The following KAT6B variants were observed in gnomAD, a reference collection of about 807,000 sequenced individuals.
KAT6B encodes lysine acetyltransferase 6B.
In KAT6B, 10 loss-of-function variants were observed where a neutral mutation model predicts 187.5. The observed-to-expected ratio is 0.05, with a 90% CI of 0.03 to 0.09. The LOEUF is 0.09. KAT6B is among the 10% of genes least tolerant of loss of function. The probability of loss-of-function intolerance (pLI) is 1.00; values close to 1 mark genes in which losing one functional copy is unlikely to be tolerated. For synonymous variants in KAT6B, 861 were observed against 926.8 expected (o/e 0.93, Z 1.29); for missense variants, 1,952 against 2,558.9 (o/e 0.76, Z 5.12).
intron 3 of KAT6B, among the ~76,000 whole-genome samples, chr10:74,951,569 A>G (rs1448151240): frequency 1.3e-5 from 2 of 152,120 alleles, no homozygotes; most frequent in African/African-American, 2.4e-5. Flanking sequence ...TATAGTGACT[A>G]TTACAACCTA....
chr10:75,029,606 G>A lies in KAT6B; in HGVS notation c.4782G>A (p.Ser1594=), dbSNP rs770898162. The change falls in exon 18 of 18, where the codon TCG becomes TCA. Residue 1594 remains serine (S), a synonymous_variant. Coordinates refer to ENST00000287239, the MANE Select transcript of KAT6B (RefSeq NM_012330.4). The surrounding 1 kb of genome is among the most constrained non-coding windows in gnomAD (Gnocchi z 6.2). ...CCACGCTCGACGATTGCCAACAGTC[G>A]GACCACAGTAGCCCAGTTTCATCCG... ...IATTLDDCQQ[S]DHSSPVSSVH... 18 of 1,613,950 alleles carry A rather than the reference G, an allele frequency of 1.1e-5. No homozygotes were observed. The highest frequency in any genetic ancestry group is 1.1e-4 in the East Asian group (5 of 44,890).
chr10:75,026,885 C>T (rs1460381708), intron 17 of KAT6B, among the ~76,000 whole-genome samples: 1 of 152,120 alleles, frequency 6.6e-6, no homozygotes, highest in African/African-American at 2.4e-5. Flanking sequence ...CCTGTAATCC[C>T]AGCACTTTGG....
chr10:74,832,601 A>G (rs540243816), intron 1 of KAT6B, among the ~76,000 whole-genome samples: 36 of 152,122 alleles, frequency 2.4e-4, no homozygotes, highest in Admixed American at 2.2e-3. Flanking sequence ...TCCTGGGTTC[A>G]AGCAATTTTC....
At position 74,931,110 on chromosome 10, in the gene KAT6B, T is replaced by C. The variant is rs181902296; in HGVS notation, c.622-28860T>C. Among the ~76,000 whole-genome samples, 184 of 152,234 alleles carry C rather than the reference T, an allele frequency of 1.2e-3. 1 individual carries two copies. The highest frequency in any genetic ancestry group is 4.3e-3 in the African/African-American group (177 of 41,538). ...TGCCTGGGTGCCCTAGACAATAGCT[T>C]ATTTGCCACTAGTGTTGAGGATTTT... On this transcript the variant is annotated intron_variant, in intron 3 of 17. Transcript: ENST00000287239.
At chr10:74,829,573 T>G (rs1840576908) in intron 1 of KAT6B, among the ~76,000 whole-genome samples, 1 of 151,806 alleles carries the variant, frequency 6.6e-6, no homozygotes, top group Admixed American at 6.6e-5. Context: ...CTGCCTCAGC[T>G]TCCCGGGTAG....
intron 13 of KAT6B, 48 bp from the exon 14 acceptor site, chr10:75,020,534 T>C: frequency 7.6e-7 from 1 of 1,316,016 alleles, no homozygotes; most frequent in East Asian, 2.3e-5. Context: ...TGTTCTAAGC[T>C]CTGGGAATGC....
In KAT6B at chr10:74,831,834, C is replaced by T. The variant is rs934713810; in HGVS notation, c.-329+5049C>T. 2.0e-5 allele frequency among the ~76,000 whole-genome samples: 3 copies of T among 152,186 alleles called. No homozygotes were observed. In the South Asian group the frequency reaches 6.2e-4, roughly 32 times the overall value. ...ATTTTTACAGAAGAGAAAACAGAGA[C>T]TTAGATTGATTTAGTAGCATGTCCA... On this transcript the variant is annotated intron_variant, in intron 1 of 17. Coordinates refer to ENST00000287239, the MANE Select transcript of KAT6B (RefSeq NM_012330.4).
At chr10:74,876,351 T>A (rs1466850241) in intron 3 of KAT6B, among the ~76,000 whole-genome samples, 1 of 152,068 alleles carries the variant, frequency 6.6e-6, no homozygotes, top group African/African-American at 2.4e-5. Flanking sequence ...CTGGCATTAC[T>A]TTTTTTTCTC....
chr10:74,839,135 A>C (rs1271955619), intron 2 of KAT6B, among the ~76,000 whole-genome samples: 2 of 151,864 alleles, frequency 1.3e-5, no homozygotes, highest in African/African-American at 4.8e-5. Context: ...CCTGGGCGAC[A>C]AGAGCAAGAC....
Position 74,826,714 on chromosome 10 carries a change from C to A in KAT6B, c.-400C>A. 1 of 153,600 alleles carries A rather than the reference C, an allele frequency of 6.5e-6. No individual in the cohort carries two copies. The highest frequency in any genetic ancestry group is 1.8e-4 in the South Asian group (1 of 5,696). 9.5% of individuals were successfully genotyped at this position (153,600 alleles called of 1,614,324 possible). ...GTGGCGGAGGCGACGGCACCTCCTC[C>A]AGGCGGCAGCCGCAGTTTCTCAGGC... On this transcript the variant is annotated 5_prime_UTR_variant, in exon 1 of 18. Coordinates refer to ENST00000287239, the MANE Select transcript of KAT6B (RefSeq NM_012330.4).
At chr10:74,989,206 T>C in intron 13 of KAT6B, 94 bp downstream of exon 13, 1 of 889,868 alleles carries the variant, frequency 1.1e-6, no homozygotes, top group South Asian at 1.3e-5. Context: ...ACCTGCATTG[T>C]TGTTTTTATC....
Position 74,873,077 on chromosome 10 carries a change from A to G in KAT6B, c.621+29599A>G, listed in dbSNP as rs528722853. ...TTCTCAAATGATTCACAAAAGAGAG[A>G]TAAAGCAAAAGTGGCCAGTTTTAAA... On this transcript the variant is annotated intron_variant, in intron 3 of 17. Transcript: ENST00000287239. 1.1e-3 allele frequency among the ~76,000 whole-genome samples: 173 copies of G among 152,308 alleles called. 2 individuals carry two copies. Among genetic ancestry groups the G allele is most frequent in the Non-Finnish European group, 2.6e-4 (18 of 68,030 alleles).
Position 74,842,752 on chromosome 10 carries a change from C to G in KAT6B, c.-106C>G, listed in dbSNP as rs1841836624. Reference sequence around the variant, plus strand: ...GTTGCTTAATACAGTCTGGAATACTCTGTCCATTTGTTGAATTGTAAATGA... The same window carrying G: ...GTTGCTTAATACAGTCTGGAATACTGTGTCCATTTGTTGAATTGTAAATGA... On this transcript the variant is annotated 5_prime_UTR_variant, in exon 3 of 18. Coordinates refer to ENST00000287239, the MANE Select transcript of KAT6B (RefSeq NM_012330.4). 8 of 1,230,262 alleles carry G rather than the reference C, an allele frequency of 6.5e-6. No individual in the cohort carries two copies. The highest frequency in any genetic ancestry group is 9.5e-6 in the Non-Finnish European group (8 of 840,930). 76.2% of individuals were successfully genotyped at this position (1,230,262 alleles called of 1,614,324 possible). A position where few individuals can be genotyped will look rare whatever the true frequency, so the allele number is the denominator to read the frequency against.
intron 13 of KAT6B, among the ~76,000 whole-genome samples, chr10:75,003,531 A>G (rs1014684655): frequency 2.0e-5 from 3 of 152,202 alleles, no homozygotes; most frequent in South Asian, 2.1e-4. Flanking sequence ...ACCAGCAGCT[A>G]TATCCTTGGG....
intron 13 of KAT6B, among the ~76,000 whole-genome samples, chr10:75,005,878 A>G (rs1844170828): frequency 6.6e-6 from 1 of 152,206 alleles, no homozygotes. Context: ...TCTAAAGTGT[A>G]TAAAAATGGT....
intron 3 of KAT6B, among the ~76,000 whole-genome samples, chr10:74,894,568 T>C (rs1845858938): frequency 6.6e-6 from 1 of 152,226 alleles, no homozygotes; most frequent in African/African-American, 2.4e-5. Context: ...AAGCAATTCC[T>C]GATTCCCTGC....
At chr10:74,960,139 T>TGA in intron 4 of KAT6B, 61 bp downstream of exon 4, 2 of 1,037,322 alleles carry the variant, frequency 1.9e-6, no homozygotes, top group South Asian at 1.3e-5. Context: ...CTTCATGCTA[T>TGA]TTGTCTCTCT....
At chr10:74,920,760 G>A (rs1229776032) in intron 3 of KAT6B, among the ~76,000 whole-genome samples, 4 of 151,936 alleles carry the variant, frequency 2.6e-5, no homozygotes, top group South Asian at 2.1e-4. Context: ...TCTCCTTTTC[G>A]TTCGTAAGAC....
At chr10:74,844,745 C>T (rs1841978873) in intron 3 of KAT6B, among the ~76,000 whole-genome samples, 1 of 152,096 alleles carries the variant, frequency 6.6e-6, no homozygotes, top group Non-Finnish European at 1.5e-5. Flanking sequence ...TAAGATTTGT[C>T]TTTGTTTCAA....
Sources: allele counts gnomAD v4.1 joint callset (sites outside exome capture counted in the v4.1 genomes callset), GRCh38; gene constraint gnomAD v4.1.1; non-coding constraint Gnocchi (gnomAD v3.1); transcripts MANE v1.5; gene names NCBI Gene and HGNC (gene_info 2026-07-23, HGNC 2026-07-21).